The following DLGAP2 variants were observed in gnomAD, a reference collection of about 807,000 sequenced individuals.
The protein encoded by DLGAP2 is DLG associated protein 2, also known as disks large-associated protein 2.
DLGAP2 carries 26 observed loss-of-function variants against 100.3 expected under a neutral mutation model. That is an observed-to-expected ratio of 0.26 (90% CI 0.19 to 0.36). The LOEUF is 0.36. Ranked by LOEUF, DLGAP2 falls within the 10% of genes least tolerant of loss-of-function variation. The probability of loss-of-function intolerance (pLI) is 1.00; values close to 1 mark genes in which losing one functional copy is unlikely to be tolerated. For synonymous variants in DLGAP2, 886 were observed against 630.1 expected (o/e 1.41, Z -6.08); for missense variants, 1,858 against 1,453.2 (o/e 1.28, Z -4.53).
intron 3 of DLGAP2, among the ~76,000 whole-genome samples, chr8:1,285,503 G>A (rs1357105089): frequency 6.6e-6 from 1 of 152,298 alleles, no homozygotes; most frequent in Non-Finnish European, 1.5e-5. Flanking sequence ...GGATTCTGTT[G>A]TGCAGGTATC....
intron 1 of DLGAP2, among the ~76,000 whole-genome samples, chr8:801,501 TAA>T (rs1229749315): frequency 6.6e-6 from 1 of 152,208 alleles, no homozygotes; most frequent in Non-Finnish European, 1.5e-5. Flanking sequence ...TTAATGAAGT[TAA>T]GGAAAGAGCG....
chr8:1,414,990 C>T (rs903812188), intron 3 of DLGAP2, among the ~76,000 whole-genome samples: 1 of 151,766 alleles, frequency 6.6e-6, no homozygotes, highest in Non-Finnish European at 1.5e-5. Flanking sequence ...GCCTGGGCAA[C>T]AGAGCAAGAC....
At chr8:1,075,386 G>C (rs1803574419) in intron 2 of DLGAP2, among the ~76,000 whole-genome samples, 1 of 152,122 alleles carries the variant, frequency 6.6e-6, no homozygotes, top group African/African-American at 2.4e-5. Flanking sequence ...GGGTGTTCTG[G>C]AAGCGGCTGG....
At chr8:1,231,593 A>T (rs997356927) in intron 2 of DLGAP2, among the ~76,000 whole-genome samples, 1 of 152,236 alleles carries the variant, frequency 6.6e-6, no homozygotes, top group Admixed American at 6.5e-5. Context: ...TAGGCATGCA[A>T]CACAGGTGGA....
chr8:830,224 C>T (rs1210341022), intron 1 of DLGAP2, among the ~76,000 whole-genome samples: 1 of 152,158 alleles, frequency 6.6e-6, no homozygotes, highest in Non-Finnish European at 1.5e-5. Context: ...CATTTTGATA[C>T]AGGCATGCAA....
chr8:1,415,546 A>C (rs1187655176), intron 3 of DLGAP2, among the ~76,000 whole-genome samples: 1 of 152,100 alleles, frequency 6.6e-6, no homozygotes, highest in Non-Finnish European at 1.5e-5. Flanking sequence ...TCCACTTATA[A>C]GTGAGAACAC....
chr8:1,192,646 C>T (rs6994193), intron 2 of DLGAP2, among the ~76,000 whole-genome samples: 29,340 of 144,684 alleles, frequency 0.2, 2,992 homozygotes, highest in Middle Eastern at 0.39. Flanking sequence ...GGGTGCTTGG[C>T]TTTATGTATC....
chr8:1,620,110 G>A (rs2957091), intron 6 of DLGAP2, among the ~76,000 whole-genome samples: 51,382 of 152,008 alleles, frequency 0.34, 8,795 homozygotes, highest in East Asian at 0.5. Flanking sequence ...TTCCTGACAA[G>A]TTGTTCAAAA....
At chr8:1,318,411 T>A (rs1488661825) in intron 3 of DLGAP2, among the ~76,000 whole-genome samples, 1 of 151,350 alleles carries the variant, frequency 6.6e-6, no homozygotes, top group South Asian at 2.1e-4. Flanking sequence ...CCATATCTAG[T>A]TCACCCAGAT....
intron 1 of DLGAP2, among the ~76,000 whole-genome samples, chr8:754,591 C>G (rs190389549): frequency 2.5e-3 from 385 of 152,330 alleles, no homozygotes; most frequent in African/African-American, 9.1e-3. Flanking sequence ...GCGGGGCTTA[C>G]ACCTGCAATC....
chr8:758,710 C>A (rs190719584), intron 1 of DLGAP2, among the ~76,000 whole-genome samples: 159 of 152,148 alleles, frequency 1.0e-3, no homozygotes, highest in South Asian at 5.6e-3. Context: ...TACAGGTGTG[C>A]ACCACCACAC....
intron 3 of DLGAP2, among the ~76,000 whole-genome samples, chr8:1,428,314 A>C (rs568381591): frequency 6.6e-6 from 1 of 152,144 alleles, no homozygotes; most frequent in African/African-American, 2.4e-5. Context: ...AAAAAGGACA[A>C]TTTGTCTAAA....
At chr8:1,112,911 C>G (rs896608569) in intron 2 of DLGAP2, among the ~76,000 whole-genome samples, 1 of 152,076 alleles carries the variant, frequency 6.6e-6, no homozygotes, top group African/African-American at 2.4e-5. Context: ...CAGCTTCAAT[C>G]TTCTACGTAT....
chr8:1,356,770 G>A (rs1364935155), intron 3 of DLGAP2, among the ~76,000 whole-genome samples: 3 of 152,218 alleles, frequency 2.0e-5, no homozygotes, highest in Non-Finnish European at 2.9e-5. Context: ...AGTGGGATAT[G>A]GTGAAACCAT....
At chr8:1,069,051 G>A (rs1246252815) in intron 2 of DLGAP2, among the ~76,000 whole-genome samples, 3 of 152,160 alleles carry the variant, frequency 2.0e-5, no homozygotes, top group Admixed American at 6.5e-5. Flanking sequence ...AAAAATCCCC[G>A]GCTGAAGTTG....
At chr8:1,123,804 A>T (rs1381542879) in intron 2 of DLGAP2, among the ~76,000 whole-genome samples, 1 of 152,128 alleles carries the variant, frequency 6.6e-6, no homozygotes, top group East Asian at 1.9e-4. Context: ...TACATTTTTC[A>T]ATATTAATTA....
intron 2 of DLGAP2, among the ~76,000 whole-genome samples, chr8:1,210,073 C>G (rs902495902): frequency 7.9e-5 from 12 of 152,184 alleles, no homozygotes; most frequent in Non-Finnish European, 1.5e-5. Flanking sequence ...GCCTAAGAGC[C>G]TGTGATTGAC....
At chr8:1,316,245 C>A (rs369344418) in intron 3 of DLGAP2, among the ~76,000 whole-genome samples, 1 of 111,382 alleles carries the variant, frequency 9.0e-6, no homozygotes, top group Non-Finnish European at 1.9e-5. Flanking sequence ...ACTCGAGAAA[C>A]TCGGCAGCTT....
At chr8:1,067,951 G>T (rs185809205) in intron 2 of DLGAP2, among the ~76,000 whole-genome samples, 1 of 151,950 alleles carries the variant, frequency 6.6e-6, no homozygotes. Context: ...CCTCTGCTCC[G>T]CCCACTCCTC....
Sources: gnomAD v4.1 joint callset for allele counts (sites outside exome capture counted in the v4.1 genomes callset) on GRCh38, gnomAD v4.1.1 for gene constraint, MANE v1.5 for transcripts, NCBI Gene and HGNC (gene_info 2026-07-23, HGNC 2026-07-21) for gene names.